The following TTLL6 variants were observed in gnomAD, a reference collection of about 807,000 sequenced individuals.
The protein encoded by TTLL6 is tubulin polyglutamylase TTLL6.
Under a neutral mutation model 96.4 loss-of-function variants are expected in TTLL6, and 75 were observed. That is an observed-to-expected ratio of 0.78 (90% CI 0.65 to 0.94). TTLL6 has a LOEUF of 0.94. TTLL6 is among the 40% of genes least tolerant of loss of function. TTLL6 has a pLI of 0.00. For missense variants in TTLL6, 1,030 were observed against 1,093.0 expected (o/e 0.94, Z 0.81); for synonymous variants, 411 against 419.4 (o/e 0.98, Z 0.24).
intron 15 of TTLL6, among the ~76,000 whole-genome samples, chr17:48,763,634 T>C (rs888662903): frequency 6.6e-6 from 1 of 152,052 alleles, no homozygotes; most frequent in Non-Finnish European, 1.5e-5. Flanking sequence ...CCATCTCTAC[T>C]AAAGCTACAT....
At chr17:48,792,810 G>A (rs995745580) in intron 8 of TTLL6, among the ~76,000 whole-genome samples, 2 of 152,130 alleles carry the variant, frequency 1.3e-5, no homozygotes, top group African/African-American at 2.4e-5. Flanking sequence ...TTTCCAGATC[G>A]CTTTAAGCCA....
At position 48,774,273 on chromosome 17, in the gene TTLL6, C is replaced by G. The variant is rs1207967033; in HGVS notation, c.2041-4176G>C. Reference sequence around the variant, plus strand: ...TTTTTGAGACGGAGTCTCGCTCTGTCGCCCAGGGTGGAGTGCAGTGGCTGG... The same window carrying G: ...TTTTTGAGACGGAGTCTCGCTCTGTGGCCCAGGGTGGAGTGCAGTGGCTGG... On this transcript the variant is annotated intron_variant, in intron 13 of 15. Transcript: ENST00000393382. Among the ~76,000 whole-genome samples, 8 of 127,886 alleles carry G rather than the reference C, an allele frequency of 6.3e-5. No homozygotes were observed. The South Asian group carries it at 2.0e-3, about 32-fold the overall frequency. 83.9% of individuals were successfully genotyped at this position (127,886 alleles called of 152,430 possible). A position where few individuals can be genotyped will look rare whatever the true frequency, so the allele number is the denominator to read the frequency against.
chr17:48,803,797 T>C (rs1234916140), intron 3 of TTLL6, 94 bp downstream of exon 3: 1 of 1,306,924 alleles, frequency 7.7e-7, no homozygotes, highest in East Asian at 2.5e-5. Context: ...GATACGCCCT[T>C]TCATCCTCAC....
Position 48,817,046 on chromosome 17 carries a change from CGAAGGAT to C in TTLL6, c.20_26del (p.His7ArgfsTer23). On this transcript the variant is annotated frameshift_variant, in exon 1 of 16. Transcript: ENST00000393382. LOFTEE classifies it high-confidence loss of function. ...CAACCACACCTGCCGGCCCCCTCCT[CGAAGGAT>C]GAAGGAGTAACGCTCCCATTGGCTG... 1 of 1,544,846 alleles carries C rather than the reference CGAAGGAT, an allele frequency of 6.5e-7. No homozygotes were observed. Among genetic ancestry groups the C allele is most frequent in the Non-Finnish European group, 8.7e-7 (1 of 1,145,868 alleles).
chr17:48,789,874 A>T (rs1450004510), intron 10 of TTLL6, 57 bp downstream of exon 10: 12 of 1,578,848 alleles, frequency 7.6e-6, no homozygotes, highest in Non-Finnish European at 1.0e-5. Context: ...GATCATTCTT[A>T]TTGGGAGCAG....
chr17:48,813,724 T>C (rs1271805428), intron 1 of TTLL6, among the ~76,000 whole-genome samples: 1 of 152,162 alleles, frequency 6.6e-6, no homozygotes, highest in East Asian at 1.9e-4. Flanking sequence ...TTATTTTCAC[T>C]CTCTTTCCCT....
At chr17:48,786,449 C>A in intron 11 of TTLL6, 114 bp from the exon 12 acceptor site, 1 of 1,202,508 alleles carries the variant, frequency 8.3e-7, no homozygotes, top group South Asian at 1.3e-5. Context: ...TCCACATTCC[C>A]TCCTCCAACA....
intron 13 of TTLL6, among the ~76,000 whole-genome samples, chr17:48,781,243 CATG>C (rs200913108): frequency 0.019 from 2,872 of 152,120 alleles, 107 homozygotes; most frequent in African/African-American, 0.066. Flanking sequence ...GATGGGGTTT[CATG>C]ATGTTGGCCA....
At chr17:48,774,540 A>G (rs2038834402) in intron 13 of TTLL6, among the ~76,000 whole-genome samples, 1 of 152,072 alleles carries the variant, frequency 6.6e-6, no homozygotes, top group Admixed American at 6.6e-5. Context: ...AAGAGAAAGA[A>G]TAAGGAAATT....
At chr17:48,787,358 C>A (rs143881987) in intron 11 of TTLL6, among the ~76,000 whole-genome samples, 1 of 152,124 alleles carries the variant, frequency 6.6e-6, no homozygotes, top group Non-Finnish European at 1.5e-5. Flanking sequence ...CTTGTCCTTG[C>A]GAGACCAGGG....
chr17:48,798,986 C>T (rs893082801), intron 6 of TTLL6, among the ~76,000 whole-genome samples: 3 of 152,006 alleles, frequency 2.0e-5, no homozygotes, highest in Non-Finnish European at 2.9e-5. Flanking sequence ...TGTGCCACCA[C>T]GCCTGGCTAA....
chr17:48,781,384 C>T (rs776378697), intron 13 of TTLL6, among the ~76,000 whole-genome samples: 6 of 152,096 alleles, frequency 3.9e-5, no homozygotes, highest in Non-Finnish European at 5.9e-5. Flanking sequence ...ACACTGTTTC[C>T]TTAGAGGCTG....
At chr17:48,803,147 G>A (rs1013567863) in intron 3 of TTLL6, among the ~76,000 whole-genome samples, 1 of 152,150 alleles carries the variant, frequency 6.6e-6, no homozygotes, top group Non-Finnish European at 1.5e-5. Context: ...TCCAGCCTGG[G>A]CAACAAGAGT....
At chr17:48,793,334 C>A (rs2039260093) in intron 8 of TTLL6, among the ~76,000 whole-genome samples, 1 of 152,138 alleles carries the variant, frequency 6.6e-6, no homozygotes, top group African/African-American at 2.4e-5. Flanking sequence ...ACCATTGTAA[C>A]CCTCAAGGAG....
chr17:48,774,096 C>CAAAAAAAAAAA (rs1286139436), intron 13 of TTLL6, among the ~76,000 whole-genome samples: 3 of 44,252 alleles, frequency 6.8e-5, no homozygotes, highest in Non-Finnish European at 9.4e-5. Context: ...AAAAACAAAA[C>CAAAAAAAAAAA]AAAAAAAAAA....
chr17:48,767,841 C>CA (rs2038646873), intron 15 of TTLL6, among the ~76,000 whole-genome samples: 1 of 152,172 alleles, frequency 6.6e-6, no homozygotes, highest in African/African-American at 2.4e-5. Flanking sequence ...TTCCACATCT[C>CA]AGTCTCTGCT....
chr17:48,786,912 C>A (rs1597978836), intron 11 of TTLL6, among the ~76,000 whole-genome samples: 1 of 148,410 alleles, frequency 6.7e-6, no homozygotes, highest in Non-Finnish European at 1.5e-5. Flanking sequence ...CAGCTCACTG[C>A]AACCTCTGCC....
Position 48,816,951 on chromosome 17 carries a change from G to A in TTLL6, c.103+19C>T, listed in dbSNP as rs750478612. ...AGGCTGCGGTCTGGAGCCAGCACCG[G>A]GCTTTGGGGCGCTCTTACCCGCAAT... is the stretch of plus-strand genomic sequence containing the variant. On this transcript the variant is annotated intron_variant, in intron 1 of 15. Coordinates refer to ENST00000393382, the MANE Select transcript of TTLL6 (RefSeq NM_001130918.3). The A allele has an allele frequency of 6.6e-7, 1 of 1,514,848 alleles. No homozygotes were observed. The allele number at this position is 1,514,848 out of a possible 1,614,324, so 93.8% of individuals were successfully genotyped here. A position where few individuals can be genotyped will look rare whatever the true frequency, so the allele number is the denominator to read the frequency against.
chr17:48,788,114 C>A, intron 10 of TTLL6, 115 bp from the exon 11 acceptor site: 2 of 920,658 alleles, frequency 2.2e-6, no homozygotes, highest in South Asian at 3.4e-5. Flanking sequence ...CACATAATGG[C>A]GGTCAATCAG....
Sources: gnomAD v4.1 joint callset for allele counts (sites outside exome capture counted in the v4.1 genomes callset) on GRCh38, gnomAD v4.1.1 for gene constraint, MANE v1.5 for transcripts, NCBI Gene and HGNC (gene_info 2026-07-23, HGNC 2026-07-21) for gene names.